Variants in RGS6 observed in about 807,000 individuals in gnomAD.
The protein encoded by RGS6 is regulator of G-protein signaling 6.
RGS6 carries 30 observed loss-of-function variants against 78.5 expected under a neutral mutation model. That is an observed-to-expected ratio of 0.38 (90% confidence interval 0.29 to 0.52). The LOEUF (loss-of-function observed/expected upper bound fraction) is 0.52, where lower values mean the gene tolerates loss of function less well. Ranked by LOEUF, RGS6 falls within the 20% of genes least tolerant of loss-of-function variation. The pLI is 0.85. For synonymous variants in RGS6, 206 were observed against 206.0 expected (o/e 1.00, Z 0.00); for missense variants, 495 against 609.7 (o/e 0.81, Z 1.98).
the RGS6 span, among the ~76,000 whole-genome samples, chr14:71,888,395 G>T: frequency 6.8e-6 from 1 of 148,084 alleles, no homozygotes; most frequent in Admixed American, 6.7e-5. Context: ...GCCAGCCTGG[G>T]CAACACAGCA....
chr14:72,604,427 G>A, the RGS6 span, among the ~76,000 whole-genome samples: 3 of 152,292 alleles, frequency 2.0e-5, no homozygotes, highest in African/African-American at 7.2e-5. Context: ...CTCCCTTCCT[G>A]TGTGCCTATG....
intron 2 of RGS6, among the ~76,000 whole-genome samples, chr14:71,971,459 T>G (rs560557251): frequency 6.6e-6 from 1 of 152,088 alleles, no homozygotes; most frequent in Non-Finnish European, 1.5e-5. Flanking sequence ...TGTCTACTCA[T>G]CCTTTTGGGC....
At chr14:72,615,876 A>T in the RGS6 span, among the ~76,000 whole-genome samples, 68 of 152,340 alleles carry the variant, frequency 4.5e-4, no homozygotes, top group African/African-American at 1.5e-3. Context: ...AAAAATGCCT[A>T]CAGGAAACAG....
the RGS6 span, among the ~76,000 whole-genome samples, chr14:71,871,326 C>A: frequency 6.6e-6 from 1 of 152,202 alleles, no homozygotes; most frequent in Non-Finnish European, 1.5e-5. Flanking sequence ...TAGAGGCCAA[C>A]AGAGACTATA....
intron 14 of RGS6, chr14:72,515,853 T>C (rs11623039): frequency 0.15 from 22,112 of 152,240 alleles, 1,710 homozygotes; most frequent in African/African-American, 0.2. Flanking sequence ...CAGCAGCTCC[T>C]CCTCAGTGCT....
intron 2 of RGS6, among the ~76,000 whole-genome samples, chr14:72,161,071 A>G (rs1398074123): frequency 1.3e-5 from 2 of 152,236 alleles, no homozygotes; most frequent in African/African-American, 4.8e-5. Context: ...ATAAAAGAGG[A>G]TGAGTTCGTG....
chr14:72,348,279 G>T (rs1468151037), intron 2 of RGS6, among the ~76,000 whole-genome samples: 1 of 152,144 alleles, frequency 6.6e-6, no homozygotes, highest in African/African-American at 2.4e-5. Flanking sequence ...TAGGAATCCT[G>T]GCCTTGCCAC....
At chr14:71,894,953 A>T in the RGS6 span, among the ~76,000 whole-genome samples, 1 of 151,926 alleles carries the variant, frequency 6.6e-6, no homozygotes, top group Non-Finnish European at 1.5e-5. Flanking sequence ...TAGTAGAGAC[A>T]GGGTTTCTCC....
At chr14:71,927,079 C>G in the RGS6 span, among the ~76,000 whole-genome samples, 2 of 152,276 alleles carry the variant, frequency 1.3e-5, no homozygotes, top group African/African-American at 4.8e-5. Flanking sequence ...TTTGGGAAGG[C>G]AGTGGATGAG....
At chr14:72,267,199 C>T (rs542634416) in intron 2 of RGS6, among the ~76,000 whole-genome samples, 262 of 152,288 alleles carry the variant, frequency 1.7e-3, no homozygotes, top group Non-Finnish European at 2.5e-3. Context: ...GATCCGCCTG[C>T]CTCAGTCTCC....
chr14:72,540,329 C>T (rs917239516), intron 17 of RGS6: 7 of 1,467,664 alleles, frequency 4.8e-6, no homozygotes, highest in Non-Finnish European at 6.2e-6. Flanking sequence ...CCCTTGATCG[C>T]CCAGCCTCAG....
chr14:72,401,387 T>A (rs748526180), intron 3 of RGS6, among the ~76,000 whole-genome samples: 16 of 152,038 alleles, frequency 1.1e-4, no homozygotes, highest in Non-Finnish European at 2.1e-4. Flanking sequence ...GTTAGCTGGG[T>A]GAGTGGTTCA....
intron 3 of RGS6, among the ~76,000 whole-genome samples, chr14:72,423,015 C>T (rs1267706386): frequency 1.3e-5 from 2 of 152,156 alleles, no homozygotes; most frequent in Non-Finnish European, 2.9e-5. Context: ...TTGTTTTAAC[C>T]CACAAAGGAA....
intron 2 of RGS6, among the ~76,000 whole-genome samples, chr14:72,031,723 A>G (rs938200269): frequency 4.6e-5 from 7 of 152,202 alleles, no homozygotes; most frequent in Non-Finnish European, 5.9e-5. Flanking sequence ...TATTTCATTG[A>G]CCAAAGCAAG....
intron 1 of RGS6, among the ~76,000 whole-genome samples, chr14:71,945,299 A>C (rs1226704148): frequency 6.6e-6 from 1 of 152,212 alleles, no homozygotes; most frequent in African/African-American, 2.4e-5. Flanking sequence ...ATTCCATAAA[A>C]GCAGGGACTC....
At chr14:72,132,035 C>G (rs1404472491) in intron 2 of RGS6, among the ~76,000 whole-genome samples, 2 of 152,068 alleles carry the variant, frequency 1.3e-5, no homozygotes, top group Admixed American at 1.3e-4. Context: ...ATTTTCTTAT[C>G]CAAACACCAC....
intron 2 of RGS6, among the ~76,000 whole-genome samples, chr14:71,986,789 G>A (rs1158305952): frequency 6.6e-6 from 1 of 152,186 alleles, no homozygotes; most frequent in African/African-American, 2.4e-5. Flanking sequence ...TGATTTGGCA[G>A]AGCTGCATGC....
chr14:72,112,556 G>A (rs1290941818), intron 2 of RGS6, among the ~76,000 whole-genome samples: 7 of 152,270 alleles, frequency 4.6e-5, no homozygotes, highest in South Asian at 2.1e-4. Flanking sequence ...GTGTGAAATC[G>A]TGGATGGTCC....
At chr14:72,139,314 C>T (rs2096500282) in intron 2 of RGS6, among the ~76,000 whole-genome samples, 1 of 152,180 alleles carries the variant, frequency 6.6e-6, no homozygotes, top group African/African-American at 2.4e-5. Context: ...CTTGAATAGT[C>T]TTCTAATATA....
Sources: allele counts gnomAD v4.1 joint callset (sites outside exome capture counted in the v4.1 genomes callset), GRCh38; gene constraint gnomAD v4.1.1; transcripts MANE v1.5; gene names NCBI Gene and HGNC (gene_info 2026-07-23, HGNC 2026-07-21).